CCDC171: variants seen among roughly 807,000 people sequenced by gnomAD.
CCDC171 encodes coiled-coil domain-containing protein 171.
A neutral mutation model predicts 168.2 loss-of-function variants in CCDC171; 177 were observed. The observed-to-expected ratio is 1.05, with a 90% confidence interval of 0.93 to 1.19. The LOEUF is 1.19. Ranked by LOEUF, CCDC171 falls within the 50% of genes most tolerant of loss-of-function variation. CCDC171 has a pLI of 0.00. For synonymous variants in CCDC171, 687 were observed against 540.8 expected, an observed-to-expected ratio of 1.27 and a Z score of -3.75; for missense variants, 1,991 against 1,539.0, an observed-to-expected ratio of 1.29 and a Z score of -4.91.
At chr9:15,891,282 G>A (rs1398659732) in intron 24 of CCDC171, among the ~76,000 whole-genome samples, 1 of 152,152 alleles carries the variant, frequency 6.6e-6, no homozygotes, top group African/African-American at 2.4e-5. Flanking sequence ...GGAGCTGTTT[G>A]TTTCAAGATA....
chr9:15,649,255 A>G (rs200279209), intron 7 of CCDC171, among the ~76,000 whole-genome samples: 1 of 152,294 alleles, frequency 6.6e-6, no homozygotes, highest in African/African-American at 2.4e-5. Flanking sequence ...ATTCAAGATG[A>G]ATTAAAGACT....
At chr9:16,078,184 G>A in the CCDC171 span, among the ~76,000 whole-genome samples, 1 of 151,920 alleles carries the variant, frequency 6.6e-6, no homozygotes, top group Admixed American at 6.6e-5. Context: ...TGTACACCTT[G>A]AATACGTACA....
the CCDC171 span, among the ~76,000 whole-genome samples, chr9:16,105,459 C>A: frequency 1.3e-4 from 20 of 152,254 alleles, no homozygotes; most frequent in African/African-American, 3.1e-4. Flanking sequence ...AGCACCCCCC[C>A]CTTCTCTTTT....
intron 6 of CCDC171, among the ~76,000 whole-genome samples, chr9:15,608,555 C>T (rs2043392299): frequency 6.6e-6 from 1 of 152,012 alleles, no homozygotes; most frequent in Non-Finnish European, 1.5e-5. Flanking sequence ...TTGACATTGA[C>T]CATGTTACGT....
chr9:15,623,463 A>ACGCACG, intron 7 of CCDC171, 50 bp downstream of exon 7: 2 of 633,912 alleles, frequency 3.2e-6, no homozygotes, highest in Non-Finnish European at 5.2e-6. Flanking sequence ...ACTTTCACAT[A>ACGCACG]TGCGCGCGCG....
At chr9:15,902,480 C>G (rs2769719) in intron 24 of CCDC171, among the ~76,000 whole-genome samples, 43,033 of 151,982 alleles carry the variant, frequency 0.28, 6,181 homozygotes, top group Admixed American at 0.34. Flanking sequence ...AGTATTGAAA[C>G]ATGAATTCCC....
intron 9 of CCDC171, among the ~76,000 whole-genome samples, chr9:15,672,704 G>C (rs543921029): frequency 6.6e-6 from 1 of 152,086 alleles, no homozygotes; most frequent in South Asian, 2.1e-4. Context: ...TGTTCCATTG[G>C]TCTATATATC....
At chr9:16,032,542 G>A (rs1461256157) in intron 6 of CCDC171, among the ~76,000 whole-genome samples, 1 of 152,178 alleles carries the variant, frequency 6.6e-6, no homozygotes, top group Non-Finnish European at 1.5e-5. Flanking sequence ...ACCTGGGAAT[G>A]TTTTCTCATC....
intron 1 of CCDC171, among the ~76,000 whole-genome samples, chr9:15,558,111 T>A (rs559833090): frequency 1.8e-4 from 27 of 151,940 alleles, no homozygotes; most frequent in Admixed American, 1.3e-3. Context: ...GTGGATAAGC[T>A]TTTTGATGTG....
intron 1 of CCDC171, among the ~76,000 whole-genome samples, chr9:15,563,427 C>T (rs974099757): frequency 2.6e-5 from 4 of 152,074 alleles, no homozygotes; most frequent in Admixed American, 2.0e-4. Context: ...CGTGAGCCAC[C>T]GCACCCGGCT....
intron 7 of CCDC171, among the ~76,000 whole-genome samples, chr9:15,630,979 C>G (rs1179751614): frequency 6.6e-6 from 1 of 151,902 alleles, no homozygotes; most frequent in Non-Finnish European, 1.5e-5. Flanking sequence ...CCAACGAGAA[C>G]AAAGACACAA....
At chr9:16,043,837 C>G (rs1160178001) in intron 1 of CCDC171, among the ~76,000 whole-genome samples, 1 of 152,174 alleles carries the variant, frequency 6.6e-6, no homozygotes, top group South Asian at 2.1e-4. Context: ...TAGGATGAGT[C>G]AAGATCTTGT....
At chr9:15,844,778 T>C (rs934096135) in intron 21 of CCDC171, among the ~76,000 whole-genome samples, 16 of 152,126 alleles carry the variant, frequency 1.1e-4, no homozygotes, top group Non-Finnish European at 7.4e-5. Context: ...TCTAATGTTA[T>C]GAGGTATATC....
At chr9:15,883,520 C>A (rs1409704758) in intron 24 of CCDC171, among the ~76,000 whole-genome samples, 2 of 152,114 alleles carry the variant, frequency 1.3e-5, no homozygotes, top group Non-Finnish European at 2.9e-5. Flanking sequence ...GATGAGATAT[C>A]TTACATCTTG....
intron 6 of CCDC171, among the ~76,000 whole-genome samples, chr9:15,619,649 C>G (rs1368305234): frequency 6.6e-6 from 1 of 152,170 alleles, no homozygotes; most frequent in Non-Finnish European, 1.5e-5. Context: ...TATGTAGAAG[C>G]TGCAGCAAGT....
intron 4 of CCDC171, among the ~76,000 whole-genome samples, chr9:15,579,425 T>G (rs1030403838): frequency 6.6e-6 from 1 of 152,232 alleles, no homozygotes; most frequent in Non-Finnish European, 1.5e-5. Context: ...ACTGCCTCTT[T>G]CATTGATTTT....
chr9:15,570,951 G>A lies in CCDC171; in HGVS notation c.42-673G>A, dbSNP rs578191870. Among the ~76,000 whole-genome samples, 7 of 152,268 alleles carry A rather than the reference G, an allele frequency of 4.6e-5. No individual in the cohort carries two copies. The South Asian group carries it at 1.5e-3, about 32-fold the overall frequency. ...AAAGAGATAGGTACCCAGTTGTGTG[G>A]TATAGGGGATGGGGATCTGAGGATG... On this transcript the variant is annotated intron_variant, in intron 2 of 25. Coordinates refer to ENST00000380701, the MANE Select transcript of CCDC171 (RefSeq NM_173550.4).
At chr9:15,975,773 G>A (rs1285939110), downstream of CCDC171, among the ~76,000 whole-genome samples, 1 of 152,144 alleles carries the variant, frequency 6.6e-6, no homozygotes, top group Non-Finnish European at 1.5e-5. Flanking sequence ...GACTAGTGTA[G>A]TAGGCTGAAT....
At chr9:15,845,166 A>G (rs904942062) in intron 21 of CCDC171, among the ~76,000 whole-genome samples, 3 of 152,102 alleles carry the variant, frequency 2.0e-5, no homozygotes, top group African/African-American at 7.2e-5. Flanking sequence ...AAGAAATCTT[A>G]TAATGCTTTA....
Sources: gnomAD v4.1 joint callset for allele counts (sites outside exome capture counted in the v4.1 genomes callset) on GRCh38, gnomAD v4.1.1 for gene constraint, MANE v1.5 for transcripts, NCBI Gene and HGNC (gene_info 2026-07-23, HGNC 2026-07-21) for gene names.